The following RBPMS variants were observed in gnomAD, a reference collection of about 807,000 sequenced individuals.
RBPMS encodes RNA-binding protein with multiple splicing.
Under a neutral mutation model 26.8 loss-of-function variants are expected in RBPMS, and 7 were observed. That is an observed-to-expected ratio of 0.26 (90% CI 0.15 to 0.49). The LOEUF (loss-of-function observed/expected upper bound fraction) is 0.49, where lower values mean the gene tolerates loss of function less well. RBPMS is among the 20% of genes least tolerant of loss of function. The pLI, the probability that RBPMS is intolerant of heterozygous loss-of-function variation, is 0.98. For missense variants in RBPMS, 186 were observed against 250.0 expected (o/e 0.74, Z 1.73); for synonymous variants, 96 against 93.3 (o/e 1.03, Z -0.17).
At chr8:30,441,207 T>C (rs555382637) in intron 1 of RBPMS, among the ~76,000 whole-genome samples, 1 of 152,262 alleles carries the variant, frequency 6.6e-6, no homozygotes, top group East Asian at 1.9e-4. Flanking sequence ...GTTGGACAAA[T>C]GTGAGATTTG....
intron 4 of RBPMS, among the ~76,000 whole-genome samples, chr8:30,494,018 G>A (rs1819668723): frequency 6.6e-6 from 1 of 152,176 alleles, no homozygotes; most frequent in Non-Finnish European, 1.5e-5. Flanking sequence ...CAAGTCAGAT[G>A]GAGATTCCAG....
At chr8:30,416,687 A>G (rs1563298114) in intron 1 of RBPMS, among the ~76,000 whole-genome samples, 1 of 151,906 alleles carries the variant, frequency 6.6e-6, no homozygotes, top group African/African-American at 2.4e-5. Context: ...GTTAGCCAGG[A>G]TGGTCTCGAT....
intron 1 of RBPMS, among the ~76,000 whole-genome samples, chr8:30,424,890 C>T (rs547711961): frequency 3.9e-5 from 6 of 152,168 alleles, no homozygotes; most frequent in African/African-American, 9.6e-5. Context: ...CTTGGGTACA[C>T]GCGCGCACAC....
At chr8:30,420,126 G>C (rs1257396058) in intron 1 of RBPMS, among the ~76,000 whole-genome samples, 1 of 152,008 alleles carries the variant, frequency 6.6e-6, no homozygotes, top group Non-Finnish European at 1.5e-5. Flanking sequence ...TACTCTGGAG[G>C]CTTAGGTGGG....
chr8:30,423,677 G>A (rs1205807885), intron 1 of RBPMS, among the ~76,000 whole-genome samples: 2 of 151,978 alleles, frequency 1.3e-5, no homozygotes, highest in African/African-American at 2.4e-5. Context: ...AGGACCTCCC[G>A]GAAATAGTAA....
rs1206896821 is a variant in RBPMS, at chr8:30,411,996, A to AC, written c.66+26838_66+26839insC. On this transcript the variant is annotated intron_variant, in intron 1 of 8. Coordinates refer to ENST00000397323, the MANE Select transcript of RBPMS (RefSeq NM_001008710.3). The stretch of plus-strand genomic sequence containing the variant: ...GTGAGACTTCGTCTCAAAAAAAAAA[A>AC]AAAAACAAAAACAAAAACAGAAGAA... Among the ~76,000 whole-genome samples, 4 of 150,556 alleles carry AC rather than the reference A, an allele frequency of 2.7e-5. No homozygotes were observed. The East Asian group carries it at 5.8e-4, about 22-fold the overall frequency.
chr8:30,390,686 A>C (rs1005706275), intron 1 of RBPMS, among the ~76,000 whole-genome samples: 1 of 152,142 alleles, frequency 6.6e-6, no homozygotes, highest in Admixed American at 6.5e-5. Flanking sequence ...ATGATTTTTC[A>C]TTAGAATTTC....
At chr8:30,559,330 T>G (rs1041042609) in intron 7 of RBPMS, among the ~76,000 whole-genome samples, 3 of 152,258 alleles carry the variant, frequency 2.0e-5, no homozygotes, top group Non-Finnish European at 4.4e-5. Flanking sequence ...TCCACTAATT[T>G]ACACAGTAGT....
chr8:30,570,502 T>G (rs1828198987), intron 8 of RBPMS, 135 bp from the exon 9 acceptor site: 1 of 152,640 alleles, frequency 6.6e-6, no homozygotes, highest in South Asian at 2.1e-4. Flanking sequence ...GGTCAGCAAA[T>G]ATGTTCTATA....
intron 7 of RBPMS, among the ~76,000 whole-genome samples, chr8:30,562,747 G>GC (rs756688736): frequency 3.3e-5 from 5 of 152,088 alleles, no homozygotes; most frequent in Non-Finnish European, 5.9e-5. Context: ...TCTCCGTTCG[G>GC]CGGGGAGGGC....
chr8:30,511,498 T>A (rs1180328164), intron 5 of RBPMS, among the ~76,000 whole-genome samples: 33 of 720 alleles, frequency 0.046, 2 homozygotes, highest in African/African-American at 0.051. Context: ...TATATATATA[T>A]ATATATATAT....
chr8:30,466,289 T>C (rs1816484090), intron 1 of RBPMS, among the ~76,000 whole-genome samples: 1 of 152,236 alleles, frequency 6.6e-6, no homozygotes, highest in South Asian at 2.1e-4. Context: ...AGCTTACACC[T>C]GTAATCTCAA....
At chr8:30,509,687 C>G (rs951642871) in intron 5 of RBPMS, among the ~76,000 whole-genome samples, 4 of 152,198 alleles carry the variant, frequency 2.6e-5, no homozygotes, top group South Asian at 2.1e-4. Flanking sequence ...GTCAGTTTCA[C>G]GCCTGCTCTC....
At chr8:30,520,757 T>A (rs1056575416) in intron 5 of RBPMS, among the ~76,000 whole-genome samples, 6 of 152,064 alleles carry the variant, frequency 3.9e-5, no homozygotes, top group African/African-American at 1.4e-4. Context: ...GGCAACATAG[T>A]GAGATGAACA....
chr8:30,524,852 T>C (rs1003525333), intron 5 of RBPMS, among the ~76,000 whole-genome samples: 1 of 152,200 alleles, frequency 6.6e-6, no homozygotes, highest in African/African-American at 2.4e-5. Context: ...ACTTTATCAG[T>C]AAAACTACTT....
At chr8:30,393,858 T>G (rs553515161) in intron 1 of RBPMS, among the ~76,000 whole-genome samples, 2 of 148,854 alleles carry the variant, frequency 1.3e-5, no homozygotes, top group African/African-American at 5.0e-5. Flanking sequence ...AAAAGTTTGC[T>G]GCCTTTTTCA....
At chr8:30,438,935 G>A (rs1050171237) in intron 1 of RBPMS, among the ~76,000 whole-genome samples, 4 of 151,968 alleles carry the variant, frequency 2.6e-5, no homozygotes, top group Admixed American at 1.3e-4. Flanking sequence ...CACCACACCC[G>A]GCTAATTTTT....
At chr8:30,420,344 A>C (rs948310077) in intron 1 of RBPMS, among the ~76,000 whole-genome samples, 2 of 152,216 alleles carry the variant, frequency 1.3e-5, no homozygotes, top group Non-Finnish European at 2.9e-5. Context: ...TTCTGATAAA[A>C]ATTCCCAAGT....
intron 4 of RBPMS, among the ~76,000 whole-genome samples, chr8:30,497,545 C>G (rs1042562879): frequency 1.3e-5 from 2 of 152,006 alleles, no homozygotes; most frequent in African/African-American, 4.8e-5. Context: ...GACTCTGTCT[C>G]AAAAATGATA....
Sources: allele counts gnomAD v4.1 joint callset (sites outside exome capture counted in the v4.1 genomes callset), GRCh38; gene constraint gnomAD v4.1.1; transcripts MANE v1.5; gene names NCBI Gene and HGNC (gene_info 2026-07-23, HGNC 2026-07-21).